Variants in BABAM2 observed in about 807,000 individuals in gnomAD.
BABAM2 encodes BRISC and BRCA1 A complex member 2, also known as BRISC and BRCA1-A complex member 2.
A neutral mutation model predicts 54.7 loss-of-function variants in BABAM2; 31 were observed. The ratio of observed to expected loss-of-function variants is 0.57; its 90% CI spans 0.43 to 0.77. BABAM2 has a LOEUF of 0.77. Among genes scored for constraint, BABAM2 ranks in the 30% least tolerant of loss-of-function variants. The pLI is 0.00. For synonymous variants in BABAM2, 167 were observed against 162.9 expected (o/e 1.03, Z -0.19); for missense variants, 364 against 455.8 (o/e 0.80, Z 1.83).
intron 3 of BABAM2, among the ~76,000 whole-genome samples, chr2:27,954,734 C>T (rs764114838): frequency 3.9e-5 from 6 of 152,130 alleles, no homozygotes; most frequent in Non-Finnish European, 8.8e-5. Flanking sequence ...CAACTTTCGT[C>T]GAATTAATAT....
At chr2:28,198,375 C>T (rs1222629319) in intron 7 of BABAM2, among the ~76,000 whole-genome samples, 2 of 152,062 alleles carry the variant, frequency 1.3e-5, no homozygotes, top group African/African-American at 2.4e-5. Context: ...ACCATATTAG[C>T]CAGGACGGTC....
intron 7 of BABAM2, among the ~76,000 whole-genome samples, chr2:28,210,051 A>C (rs1679300876): frequency 6.6e-6 from 1 of 152,116 alleles, no homozygotes; most frequent in African/African-American, 2.4e-5. Flanking sequence ...TTCTTTTTGC[A>C]CTTCCTTCCT....
intron 6 of BABAM2, among the ~76,000 whole-genome samples, chr2:28,062,231 C>G (rs371365445): frequency 1.8e-4 from 26 of 144,846 alleles, no homozygotes; most frequent in African/African-American, 5.9e-4. Flanking sequence ...GCATGCCAGC[C>G]TGGGTGACAG....
chr2:27,923,710 C>G (rs1446544433), intron 2 of BABAM2, among the ~76,000 whole-genome samples: 2 of 152,040 alleles, frequency 1.3e-5, no homozygotes, highest in East Asian at 3.9e-4. Context: ...GTGGCTCATG[C>G]CTATAATCCC....
intron 10 of BABAM2, among the ~76,000 whole-genome samples, chr2:28,265,472 T>G (rs970190011): frequency 6.6e-6 from 1 of 152,166 alleles, no homozygotes; most frequent in African/African-American, 2.4e-5. Context: ...TTGGTGTTCT[T>G]AAACAAAATG....
intron 7 of BABAM2, among the ~76,000 whole-genome samples, chr2:28,228,300 C>T (rs190478484): frequency 6.6e-6 from 1 of 152,184 alleles, no homozygotes; most frequent in Non-Finnish European, 1.5e-5. Context: ...GGTAGATACC[C>T]TTCTGTGTCC....
intron 4 of BABAM2, among the ~76,000 whole-genome samples, chr2:28,017,400 G>A (rs1009574584): frequency 6.6e-6 from 1 of 151,962 alleles, no homozygotes; most frequent in Admixed American, 6.5e-5. Context: ...ATTTTTTTCT[G>A]CATATTCTGT....
At chr2:28,044,930 C>T (rs2148610081) in intron 5 of BABAM2, among the ~76,000 whole-genome samples, 1 of 151,624 alleles carries the variant, frequency 6.6e-6, no homozygotes, top group Non-Finnish European at 1.5e-5. Context: ...TGCAGAGGTT[C>T]TCTAGCACCT....
chr2:28,308,439 A>G (rs1688755519), intron 11 of BABAM2: 5 of 527,046 alleles, frequency 9.5e-6, no homozygotes, highest in Non-Finnish European at 1.9e-5. Flanking sequence ...GAAGACAACA[A>G]CACAACTTGT....
At chr2:27,924,997 C>T (rs1667582094) in intron 2 of BABAM2, among the ~76,000 whole-genome samples, 1 of 152,184 alleles carries the variant, frequency 6.6e-6, no homozygotes, top group African/African-American at 2.4e-5. Flanking sequence ...CCTCTGTTCC[C>T]TTGAGCACTT....
intron 3 of BABAM2, among the ~76,000 whole-genome samples, chr2:27,939,151 C>A (rs1189152088): frequency 6.6e-6 from 1 of 152,100 alleles, no homozygotes; most frequent in Admixed American, 6.5e-5. Flanking sequence ...CAGGGTTTCA[C>A]CATGTTGGCT....
At position 28,338,703 on chromosome 2, in the gene BABAM2, T is replaced by C; in HGVS notation, c.*190T>C. 1.7e-6 allele frequency: 1 copy of C among 596,630 alleles called. No individual in the cohort carries two copies. Among genetic ancestry groups the C allele is most frequent in the Non-Finnish European group, 2.9e-6 (1 of 339,202 alleles). The allele number at this position is 596,630 out of a possible 1,614,324, so 37.0% of individuals were successfully genotyped here. A position where few individuals can be genotyped will look rare whatever the true frequency, so the allele number is the denominator to read the frequency against. ...GAGCTGGCTGGTGGTCCCTGGATCC[T>C]AGAGCCCTTCACTTCGGGTTACTCC... On this transcript the variant is annotated 3_prime_UTR_variant, in exon 12 of 12. Coordinates refer to ENST00000379624, the MANE Select transcript of BABAM2 (RefSeq NM_199191.3).
At chr2:28,231,785 CTTTTTTTTTTTTTT>C (rs549515372) in intron 7 of BABAM2, among the ~76,000 whole-genome samples, 61 of 57,670 alleles carry the variant, frequency 1.1e-3, no homozygotes, top group Admixed American at 8.1e-4. Context: ...AGAGAGATGT[CTTTTTTTTTTTTTT>C]TTTTTTTTTT....
At chr2:28,265,663 G>A (rs1248806610) in intron 10 of BABAM2, among the ~76,000 whole-genome samples, 4 of 151,978 alleles carry the variant, frequency 2.6e-5, no homozygotes, top group South Asian at 2.1e-4. Flanking sequence ...CACGACACAC[G>A]TACACTCTAG....
intron 7 of BABAM2, among the ~76,000 whole-genome samples, chr2:28,212,592 A>G (rs1679566396): frequency 6.6e-6 from 1 of 152,198 alleles, no homozygotes; most frequent in South Asian, 2.1e-4. Context: ...CTTTAGCATC[A>G]ACATTAAAAG....
At position 27,961,947 on chromosome 2, in the gene BABAM2, C is replaced by T. The variant is rs566587145; in HGVS notation, c.206-26046C>T. Among the ~76,000 whole-genome samples, 28 of 151,902 alleles carry T rather than the reference C, an allele frequency of 1.8e-4. No individual in the cohort carries two copies. The East Asian group carries it at 4.6e-3, about 25-fold the overall frequency. ...GTCTCACTATGTTGTCCAGGCTGATCGCAAACTCCTGGGCTCAAATGATTA... is the reference window on the plus strand; with the variant it reads ...GTCTCACTATGTTGTCCAGGCTGATTGCAAACTCCTGGGCTCAAATGATTA... On this transcript the variant is annotated intron_variant, in intron 3 of 11. Coordinates refer to ENST00000379624, the MANE Select transcript of BABAM2 (RefSeq NM_199191.3).
At chr2:28,062,591 A>G (rs187193501) in intron 6 of BABAM2, among the ~76,000 whole-genome samples, 269 of 145,326 alleles carry the variant, frequency 1.9e-3, no homozygotes, top group Admixed American at 4.7e-3. Flanking sequence ...AAAAAAAAAC[A>G]TATTTCCAGG....
At chr2:28,039,488 G>GA in intron 5 of BABAM2, among the ~76,000 whole-genome samples, 1 of 152,222 alleles carries the variant, frequency 6.6e-6, no homozygotes, top group Non-Finnish European at 1.5e-5. Context: ...TCCATTTGAA[G>GA]AATCAGCCTT....
intron 9 of BABAM2, among the ~76,000 whole-genome samples, chr2:28,243,014 C>T (rs1682587304): frequency 6.6e-6 from 1 of 152,122 alleles, no homozygotes; most frequent in African/African-American, 2.4e-5. Flanking sequence ...AGTACACACA[C>T]CCCAGAAGTT....
Sources: gnomAD v4.1 joint callset for allele counts (sites outside exome capture counted in the v4.1 genomes callset) on GRCh38, gnomAD v4.1.1 for gene constraint, MANE v1.5 for transcripts, NCBI Gene and HGNC (gene_info 2026-07-23, HGNC 2026-07-21) for gene names.